Variants in GPATCH2 observed in about 807,000 individuals in gnomAD.
GPATCH2 encodes G-patch domain containing 2.
Under a neutral mutation model 58.0 loss-of-function variants are expected in GPATCH2, and 51 were observed. The observed-to-expected ratio is 0.88, with a 90% CI of 0.70 to 1.11. The LOEUF (loss-of-function observed/expected upper bound fraction) is 1.11. Among genes scored for constraint, GPATCH2 ranks in the 50% most tolerant of loss-of-function variants. The pLI, the probability that GPATCH2 is intolerant of heterozygous loss-of-function variation, is 0.00. For missense variants in GPATCH2, 625 were observed against 652.2 expected, an observed-to-expected ratio of 0.96 and a Z score of 0.45; for synonymous variants, 222 against 218.5, an observed-to-expected ratio of 1.02 and a Z score of -0.14.
intron 8 of GPATCH2, among the ~76,000 whole-genome samples, chr1:217,462,692 G>GAAA (rs1478370559): frequency 6.6e-6 from 1 of 152,136 alleles, no homozygotes; most frequent in Admixed American, 6.5e-5. Flanking sequence ...CTATTATGGT[G>GAAA]TTCGCTATAA....
At chr1:217,604,344 CAAAA>C (rs199867558) in intron 5 of GPATCH2, among the ~76,000 whole-genome samples, 1 of 102,528 alleles carries the variant, frequency 9.8e-6, no homozygotes. Context: ...GACTCCATCT[CAAAA>C]AAAAAAAAAA....
At chr1:217,508,061 A>C (rs568612932) in intron 6 of GPATCH2, among the ~76,000 whole-genome samples, 2 of 152,218 alleles carry the variant, frequency 1.3e-5, no homozygotes, top group African/African-American at 4.8e-5. Flanking sequence ...TTTACACCTA[A>C]GCACCTTGTA....
At chr1:217,611,095 C>G in intron 3 of GPATCH2, 24 bp from the exon 4 acceptor site, 1 of 1,588,960 alleles carries the variant, frequency 6.3e-7, no homozygotes. Context: ...AGAAACCCCC[C>G]CCCACCAAAG....
intron 5 of GPATCH2, among the ~76,000 whole-genome samples, chr1:217,582,944 G>A (rs571883624): frequency 3.9e-5 from 6 of 152,228 alleles, no homozygotes; most frequent in African/African-American, 1.2e-4. Flanking sequence ...GTAAGAATCC[G>A]TATTACAGCT....
chr1:217,515,728 T>A (rs963585737), intron 5 of GPATCH2, among the ~76,000 whole-genome samples: 6 of 149,342 alleles, frequency 4.0e-5, no homozygotes, highest in African/African-American at 1.2e-4. Context: ...TAAAAAAAAA[T>A]TTTAAAAAAA....
At chr1:217,616,536 T>C (rs1668893968) in intron 2 of GPATCH2, among the ~76,000 whole-genome samples, 1 of 152,206 alleles carries the variant, frequency 6.6e-6, no homozygotes, top group African/African-American at 2.4e-5. Context: ...CTTTGAGGTA[T>C]GTTGGCATGC....
At chr1:217,609,431 A>G in intron 5 of GPATCH2, 1 of 984,706 alleles carries the variant, frequency 1.0e-6, no homozygotes, top group Non-Finnish European at 1.2e-6. Flanking sequence ...CAAAGCAGAT[A>G]ATTTAAAAGG....
chr1:217,529,568 C>G (rs543000727), intron 5 of GPATCH2, among the ~76,000 whole-genome samples: 1 of 152,176 alleles, frequency 6.6e-6, no homozygotes, highest in Admixed American at 6.5e-5. Flanking sequence ...CACCAGAAGA[C>G]AGTGCGGTAC....
At chr1:217,445,618 T>G (rs1455126768) in intron 9 of GPATCH2, among the ~76,000 whole-genome samples, 2 of 152,064 alleles carry the variant, frequency 1.3e-5, no homozygotes, top group East Asian at 3.9e-4. Context: ...TATGTGACTT[T>G]GAATGACGCA....
intron 5 of GPATCH2, among the ~76,000 whole-genome samples, chr1:217,526,371 A>G (rs1663906906): frequency 6.6e-6 from 1 of 152,190 alleles, no homozygotes; most frequent in African/African-American, 2.4e-5. Context: ...CTATACCATT[A>G]ATTGCACTAA....
chr1:217,470,397 C>T (rs1157896115), intron 8 of GPATCH2, among the ~76,000 whole-genome samples: 1 of 152,156 alleles, frequency 6.6e-6, no homozygotes, highest in Admixed American at 6.5e-5. Flanking sequence ...AAGAGTTTCA[C>T]TAGTTAGTAG....
At chr1:217,471,241 A>G (rs1660710010) in intron 8 of GPATCH2, among the ~76,000 whole-genome samples, 1 of 152,150 alleles carries the variant, frequency 6.6e-6, no homozygotes, top group Non-Finnish European at 1.5e-5. Flanking sequence ...ATCACTTGCT[A>G]TTGTTGATAT....
intron 1 of GPATCH2, among the ~76,000 whole-genome samples, chr1:217,621,619 T>C (rs549148163): frequency 6.6e-6 from 1 of 152,342 alleles, no homozygotes; most frequent in East Asian, 1.9e-4. Context: ...TGTGTTCTAA[T>C]AAAGTTTTAT....
At chr1:217,599,238 G>T (rs1667999500) in intron 5 of GPATCH2, among the ~76,000 whole-genome samples, 1 of 152,140 alleles carries the variant, frequency 6.6e-6, no homozygotes, top group African/African-American at 2.4e-5. Flanking sequence ...GACGGTAATG[G>T]AAACTATTTC....
At chr1:217,499,069 A>T (rs1336890319) in intron 6 of GPATCH2, among the ~76,000 whole-genome samples, 1 of 152,096 alleles carries the variant, frequency 6.6e-6, no homozygotes, top group African/African-American at 2.4e-5. Flanking sequence ...TACCTTTTCC[A>T]CGGGAGTTGT....
At chr1:217,441,678 G>A (rs950708532) in intron 9 of GPATCH2, among the ~76,000 whole-genome samples, 4 of 152,102 alleles carry the variant, frequency 2.6e-5, no homozygotes, top group South Asian at 2.1e-4. Context: ...CAAAAAGTGG[G>A]CAAAGGATAT....
At chr1:217,594,834 C>T (rs1308140280) in intron 5 of GPATCH2, among the ~76,000 whole-genome samples, 2 of 152,238 alleles carry the variant, frequency 1.3e-5, no homozygotes, top group African/African-American at 4.8e-5. Flanking sequence ...ATATAAAGTG[C>T]CTGCTTTGCC....
chr1:217,476,359 T>C (rs182886229), intron 8 of GPATCH2, among the ~76,000 whole-genome samples: 103 of 151,898 alleles, frequency 6.8e-4, no homozygotes, highest in African/African-American at 2.4e-3. Flanking sequence ...TGCCACCCCC[T>C]CCAGGACACC....
chr1:217,531,538 A>G (rs1314245157), intron 5 of GPATCH2, among the ~76,000 whole-genome samples: 1 of 152,234 alleles, frequency 6.6e-6, no homozygotes, highest in Non-Finnish European at 1.5e-5. Context: ...CTCATGAAAT[A>G]GTACACAAAA....
Sources: allele counts gnomAD v4.1 joint callset (sites outside exome capture counted in the v4.1 genomes callset), GRCh38; gene constraint gnomAD v4.1.1; transcripts MANE v1.5; gene names NCBI Gene and HGNC (gene_info 2026-07-23, HGNC 2026-07-21).